Variants in RANBP2 observed in about 807,000 individuals in gnomAD.
RANBP2 encodes the protein E3 SUMO-protein ligase RanBP2.
In RANBP2, 57 loss-of-function variants were observed where a neutral mutation model predicts 303.6. The observed-to-expected ratio is 0.19, with a 90% confidence interval of 0.15 to 0.23. The LOEUF (loss-of-function observed/expected upper bound fraction) is 0.23. Among genes scored for constraint, RANBP2 ranks in the 10% least tolerant of loss-of-function variants. The probability of loss-of-function intolerance (pLI) is 1.00; values close to 1 mark genes in which losing one functional copy is unlikely to be tolerated. For missense variants in RANBP2, 3,138 were observed against 3,780.8 expected (o/e 0.83, Z 4.46); for synonymous variants, 1,167 against 1,301.5 (o/e 0.90, Z 2.23).
chr2:109,690,301 G>A, the RANBP2 span, among the ~76,000 whole-genome samples: 1 of 152,178 alleles, frequency 6.6e-6, no homozygotes, highest in Non-Finnish European at 1.5e-5. Context: ...GGGACAACTC[G>A]AAGCAAAGGC....
chr2:109,455,691 C>G, the RANBP2 span, among the ~76,000 whole-genome samples: 15 of 152,186 alleles, frequency 9.9e-5, no homozygotes, highest in African/African-American at 2.9e-4. Context: ...TATTTCCTCT[C>G]GAGTGGAGGC....
chr2:109,730,162 G>A, the RANBP2 span, among the ~76,000 whole-genome samples: 1 of 152,160 alleles, frequency 6.6e-6, no homozygotes, highest in Non-Finnish European at 1.5e-5. Flanking sequence ...TAGATTGTGA[G>A]GTTGACACCT....
At chr2:108,858,568 C>T in the RANBP2 span, among the ~76,000 whole-genome samples, 11 of 152,116 alleles carry the variant, frequency 7.2e-5, no homozygotes, top group East Asian at 3.9e-4. Context: ...TCAGCCAGTA[C>T]GATTTATTAG....
chr2:108,989,775 C>T, the RANBP2 span, among the ~76,000 whole-genome samples: 1 of 151,778 alleles, frequency 6.6e-6, no homozygotes, highest in African/African-American at 2.4e-5. Context: ...AAGGACATAC[C>T]TTTCAGTATT....
At chr2:109,169,936 G>C in the RANBP2 span, among the ~76,000 whole-genome samples, 1 of 152,104 alleles carries the variant, frequency 6.6e-6, no homozygotes, top group Non-Finnish European at 1.5e-5. Context: ...AAGTATATGA[G>C]TTTTAAATCT....
At chr2:109,688,728 G>A in the RANBP2 span, among the ~76,000 whole-genome samples, 8 of 138,612 alleles carry the variant, frequency 5.8e-5, no homozygotes, top group African/African-American at 2.2e-4. Flanking sequence ...GCAGTGAGCC[G>A]AGATTGTGCC....
the RANBP2 span, among the ~76,000 whole-genome samples, chr2:109,287,512 G>A: frequency 2.0e-5 from 3 of 152,138 alleles, no homozygotes; most frequent in African/African-American, 7.2e-5. Context: ...GGGACACTAC[G>A]CTCAGGTGAC....
chr2:109,236,433 A>G, the RANBP2 span, among the ~76,000 whole-genome samples: 2 of 152,114 alleles, frequency 1.3e-5, no homozygotes, highest in African/African-American at 4.8e-5. Context: ...TTTCTCCTCA[A>G]ACTTCACCTT....
the RANBP2 span, among the ~76,000 whole-genome samples, chr2:109,072,742 T>G: frequency 6.6e-6 from 1 of 152,168 alleles, no homozygotes; most frequent in Non-Finnish European, 1.5e-5. Flanking sequence ...TGCTCTTAGC[T>G]TCTCTGTGAG....
chr2:108,788,732 A>G (rs78993673), downstream of RANBP2: 1,406 of 1,402,884 alleles, frequency 1.0e-3, 2 homozygotes, highest in Non-Finnish European at 1.2e-3. Flanking sequence ...AGAAAAAAAA[A>G]GAAAAAAAAA....
chr2:109,184,555 T>C, the RANBP2 span, among the ~76,000 whole-genome samples: 1 of 152,190 alleles, frequency 6.6e-6, no homozygotes, highest in Non-Finnish European at 1.5e-5. Context: ...TTGCTTAGCT[T>C]TGAGCCCCTC....
intron 8 of RANBP2, among the ~76,000 whole-genome samples, chr2:108,748,426 TTA>T (rs1675559832): frequency 2.0e-5 from 3 of 150,410 alleles, no homozygotes; most frequent in Admixed American, 6.6e-5. Context: ...TTTCACTGTG[TTA>T]GCCAGGATGG....
chr2:109,144,008 A>G, the RANBP2 span, among the ~76,000 whole-genome samples: 1 of 152,230 alleles, frequency 6.6e-6, no homozygotes, highest in African/African-American at 2.4e-5. Flanking sequence ...CACTGAATTC[A>G]TAGAAGCAGA....
chr2:108,813,106 A>G, the RANBP2 span, among the ~76,000 whole-genome samples: 1 of 151,854 alleles, frequency 6.6e-6, no homozygotes, highest in African/African-American at 2.4e-5. Flanking sequence ...AAAATTAGCC[A>G]GGCATGGTGG....
chr2:109,665,565 T>G, the RANBP2 span: 1 of 151,894 alleles, frequency 6.6e-6, no homozygotes, highest in Non-Finnish European at 1.5e-5. Context: ...TGTCTCGAAC[T>G]CCTGACCTCA....
At chr2:109,402,269 G>A in the RANBP2 span, among the ~76,000 whole-genome samples, 9 of 152,248 alleles carry the variant, frequency 5.9e-5, no homozygotes, top group African/African-American at 2.2e-4. Flanking sequence ...GCCCATGGCA[G>A]CCAAGGCGAG....
the RANBP2 span, among the ~76,000 whole-genome samples, chr2:108,966,621 A>T: frequency 6.6e-6 from 1 of 152,216 alleles, no homozygotes; most frequent in Non-Finnish European, 1.5e-5. Flanking sequence ...TCAAATAGTA[A>T]GGAAACCCTA....
chr2:108,743,482 C>G (rs373882964), intron 7 of RANBP2, among the ~76,000 whole-genome samples: 8 of 152,192 alleles, frequency 5.3e-5, no homozygotes, highest in African/African-American at 7.2e-5. Flanking sequence ...GCTATGTTTC[C>G]CAGGCTGGTT....
the RANBP2 span, among the ~76,000 whole-genome samples, chr2:109,669,920 G>C: frequency 1.4e-5 from 2 of 145,780 alleles, no homozygotes; most frequent in Admixed American, 1.4e-4. Flanking sequence ...CAGGCATCAG[G>C]TGCCCCCAAG....
Sources: allele counts gnomAD v4.1 joint callset (sites outside exome capture counted in the v4.1 genomes callset), GRCh38; gene constraint gnomAD v4.1.1; transcripts MANE v1.5; gene names NCBI Gene and HGNC (gene_info 2026-07-23, HGNC 2026-07-21).